SLC25A17: variants seen among roughly 807,000 people sequenced by gnomAD.
SLC25A17 encodes the protein solute carrier family 25 member 17.
A neutral mutation model predicts 38.5 loss-of-function variants in SLC25A17; 26 were observed. That is an observed-to-expected ratio of 0.68 (90% CI 0.50 to 0.94). The LOEUF (loss-of-function observed/expected upper bound fraction) is 0.94. Ranked by LOEUF, SLC25A17 falls within the 40% of genes least tolerant of loss-of-function variation. The probability of loss-of-function intolerance (pLI) is 0.00; values close to 1 mark genes in which losing one functional copy is unlikely to be tolerated. For missense variants in SLC25A17, 333 were observed against 372.7 expected, an observed-to-expected ratio of 0.89 and a Z score of 0.88; for synonymous variants, 139 against 136.2, an observed-to-expected ratio of 1.02 and a Z score of -0.14.
chr22:40,798,660 T>TAAAAAAAAAA (rs10640211), intron 2 of SLC25A17, among the ~76,000 whole-genome samples: 1 of 74,378 alleles, frequency 1.3e-5, no homozygotes. Context: ...CACACATACA[T>TAAAAAAAAAA]AAAAAAAAAA....
intron 2 of SLC25A17, among the ~76,000 whole-genome samples, chr22:40,795,796 T>C (rs2057423992): frequency 6.7e-6 from 1 of 149,016 alleles, no homozygotes. Context: ...TTCTTTTTTC[T>C]TTTTTTTTTG....
chr22:40,793,112 G>T (rs939420338), intron 3 of SLC25A17, among the ~76,000 whole-genome samples: 3 of 150,732 alleles, frequency 2.0e-5, no homozygotes, highest in Non-Finnish European at 4.4e-5. Flanking sequence ...AGCTCCTACA[G>T]GCCAAATCTG....
At chr22:40,776,970 G>A in intron 7 of SLC25A17, 70 bp downstream of exon 7, 1 of 1,273,622 alleles carries the variant, frequency 7.9e-7, no homozygotes, top group Non-Finnish European at 1.1e-6. Flanking sequence ...TATTAACATT[G>A]TTTTAAATCA....
At chr22:40,773,413 A>G (rs1351288657) in intron 8 of SLC25A17, among the ~76,000 whole-genome samples, 6 of 146,988 alleles carry the variant, frequency 4.1e-5, no homozygotes, top group Non-Finnish European at 9.0e-5. Context: ...CTGTCTCCAA[A>G]AAAAAAAAAA....
intron 4 of SLC25A17, among the ~76,000 whole-genome samples, chr22:40,788,502 C>G (rs1371265382): frequency 6.6e-6 from 1 of 152,088 alleles, no homozygotes; most frequent in South Asian, 2.1e-4. Context: ...ACCAGCCTGA[C>G]CAACATGGTG....
intron 4 of SLC25A17, 93 bp from the exon 5 acceptor site, chr22:40,779,218 ATC>A: frequency 6.3e-7 from 1 of 1,594,224 alleles, no homozygotes; most frequent in Non-Finnish European, 8.5e-7. Flanking sequence ...TTCCATTTAT[ATC>A]TCTGTCACTG....
chr22:40,781,747 C>T (rs1202942712), intron 4 of SLC25A17, among the ~76,000 whole-genome samples: 1 of 152,056 alleles, frequency 6.6e-6, no homozygotes, highest in Non-Finnish European at 1.5e-5. Flanking sequence ...CTGAGAGAAG[C>T]TACTCAAAAT....
intron 1 of SLC25A17, among the ~76,000 whole-genome samples, chr22:40,806,368 T>C (rs1470986704): frequency 6.6e-6 from 1 of 152,182 alleles, no homozygotes; most frequent in African/African-American, 2.4e-5. Flanking sequence ...TTTCCAGCAA[T>C]ATGGTAGCCT....
intron 4 of SLC25A17, among the ~76,000 whole-genome samples, chr22:40,783,896 G>A (rs1316142072): frequency 1.3e-5 from 2 of 152,042 alleles, no homozygotes; most frequent in Non-Finnish European, 2.9e-5. Context: ...AGTAGACAGG[G>A]GGTTTCGCCA....
chr22:40,800,517 G>C (rs2057471415), intron 1 of SLC25A17, among the ~76,000 whole-genome samples: 1 of 152,112 alleles, frequency 6.6e-6, no homozygotes, highest in Non-Finnish European at 1.5e-5. Flanking sequence ...TCCTGCCTTA[G>C]CATTCCAAGT....
chr22:40,770,692 C>T lies in SLC25A17; in HGVS notation c.*142G>A. 6.2e-6 allele frequency: 5 copies of T among 803,794 alleles called. No homozygotes were observed. Among genetic ancestry groups the T allele is most frequent in the Non-Finnish European group, 7.2e-6 (4 of 554,562 alleles). 49.8% of individuals were successfully genotyped at this position (803,794 alleles called of 1,614,324 possible). ...CAACAGGTCCAGTTGGCCATACTCC[C>T]TGTGCACCCTTGGATGCTTTTCAAG... On this transcript the variant is annotated 3_prime_UTR_variant, in exon 9 of 9. Transcript: ENST00000435456.
In SLC25A17 at chr22:40,785,242, G is replaced by C. The variant is rs534907627; in HGVS notation, c.335-6117C>G. ...CTACTAAAAATACAAAAATTAGCTG[G>C]GCATGATGGCTTGCGCCTGTAGTCC... On this transcript the variant is annotated intron_variant, in intron 4 of 8. Coordinates refer to ENST00000435456, the MANE Select transcript of SLC25A17 (RefSeq NM_006358.4). Among the ~76,000 whole-genome samples the C allele has an allele frequency of 3.3e-5, 5 of 152,316 alleles. No homozygotes were observed. The South Asian group carries it at 8.3e-4, about 25-fold the overall frequency.
intron 1 of SLC25A17, among the ~76,000 whole-genome samples, chr22:40,804,379 C>CT (rs935701007): frequency 1.3e-5 from 2 of 152,026 alleles, no homozygotes; most frequent in African/African-American, 4.8e-5. Flanking sequence ...TATTTTCTGT[C>CT]TTTTTTATAA....
At chr22:40,814,754 A>AATATATATATATATATATAT (rs10527651) in intron 1 of SLC25A17, among the ~76,000 whole-genome samples, 38 of 135,178 alleles carry the variant, frequency 2.8e-4, no homozygotes, top group Middle Eastern at 3.8e-3. Flanking sequence ...GTACGTGCAG[A>AATATATATATATATATATAT]ATATATATAT....
intron 2 of SLC25A17, chr22:40,798,247 C>A (rs2057448050): frequency 6.6e-6 from 1 of 152,426 alleles, no homozygotes; most frequent in African/African-American, 2.4e-5. Context: ...AACAACTGGG[C>A]AAAAAGCTCT....
intron 1 of SLC25A17, among the ~76,000 whole-genome samples, chr22:40,811,728 C>T (rs1035328427): frequency 6.6e-6 from 1 of 152,128 alleles, no homozygotes; most frequent in African/African-American, 2.4e-5. Context: ...ATAACCAGCT[C>T]TCCCATGAAC....
chr22:40,816,340 A>G (rs1205755243), intron 1 of SLC25A17, among the ~76,000 whole-genome samples: 5 of 152,168 alleles, frequency 3.3e-5, no homozygotes, highest in African/African-American at 1.2e-4. Flanking sequence ...GGAGTCAGAA[A>G]ACTATGGCCT....
At chr22:40,788,004 C>T (rs893185374) in intron 4 of SLC25A17, among the ~76,000 whole-genome samples, 1 of 152,216 alleles carries the variant, frequency 6.6e-6, no homozygotes, top group Non-Finnish European at 1.5e-5. Flanking sequence ...AATCCTCCCA[C>T]CTTGGCCTCC....
At chr22:40,810,448 A>G (rs2057570140) in intron 1 of SLC25A17, among the ~76,000 whole-genome samples, 1 of 151,532 alleles carries the variant, frequency 6.6e-6, no homozygotes, top group Non-Finnish European at 1.5e-5. Context: ...CCCGGGTTCA[A>G]GTGATTCTCC....
Sources: allele counts gnomAD v4.1 joint callset (sites outside exome capture counted in the v4.1 genomes callset), GRCh38; gene constraint gnomAD v4.1.1; transcripts MANE v1.5; gene names NCBI Gene and HGNC (gene_info 2026-07-23, HGNC 2026-07-21).